HTR2C: variants seen among roughly 807,000 people sequenced by gnomAD.
The protein encoded by HTR2C is 5-hydroxytryptamine (serotonin) receptor 2C, G protein-coupled.
Under a neutral mutation model 21.0 loss-of-function variants are expected in HTR2C, and 5 were observed. That is an observed-to-expected ratio of 0.24 (90% CI 0.12 to 0.50). The LOEUF (loss-of-function observed/expected upper bound fraction) is 0.50. HTR2C is among the 20% of genes least tolerant of loss of function. The pLI is 0.98. For synonymous variants in HTR2C, 150 were observed against 145.3 expected, an observed-to-expected ratio of 1.03 and a Z score of -0.23; for missense variants, 271 against 371.2, an observed-to-expected ratio of 0.73 and a Z score of 2.22.
chrX:114,862,761 G>A (rs184287470), intron 5 of HTR2C, among the ~76,000 whole-genome samples: 58 of 110,772 alleles, frequency 5.2e-4, no homozygotes, highest in Admixed American at 1.2e-3. Context: ...TTGTTTTGGC[G>A]ACGTTACAAT....
At chrX:114,726,006 A>C (rs1314840747) in intron 2 of HTR2C, among the ~76,000 whole-genome samples, 2 of 111,078 alleles carry the variant, frequency 1.8e-5, no homozygotes, top group Non-Finnish European at 3.8e-5. Context: ...GAGCCTACAG[A>C]GGCAGGCAGG....
chrX:114,669,566 G>T (rs967532689), intron 2 of HTR2C, among the ~76,000 whole-genome samples: 8 of 111,397 alleles, frequency 7.2e-5, no homozygotes, highest in African/African-American at 9.8e-5. Context: ...GTGGTGGCAC[G>T]TGCCTGTAAT....
rs144788632 is a variant in HTR2C, at chrX:114,844,728, A to G, written c.350-3275A>G. Reference sequence around the variant, plus strand: ...TTGAGGTGGCTGAACTTGTCAGACAAAATAGAACTTACAAAGATAGTTGTT... The same window carrying G: ...TTGAGGTGGCTGAACTTGTCAGACAGAATAGAACTTACAAAGATAGTTGTT... On this transcript the variant is annotated intron_variant, in intron 4 of 5. Transcript: ENST00000276198. Among the ~76,000 whole-genome samples the G allele has an allele frequency of 7.1e-5, 8 of 111,997 alleles. No individual in the cohort carries two copies. In the East Asian group the frequency reaches 2.2e-3, roughly 31 times the overall value.
At position 114,908,141 on chromosome X, in the gene HTR2C, T is replaced by G. The variant is rs1801412; in HGVS notation, c.*726T>G. ...ATAGCTTTTCACTTCTTAAGGACAG[T>G]GTTCAAATTCTGATTATTACAACAA... On this transcript the variant is annotated 3_prime_UTR_variant, in exon 6 of 6. Transcript: ENST00000276198. 4,439 of 112,298 alleles carry G rather than the reference T, an allele frequency of 0.04. 86 individuals are homozygous for G. Among genetic ancestry groups the G allele is most frequent in the East Asian group, 0.13 (463 of 3,512 alleles). The allele number at this position is 112,298 out of a possible 1,213,427, so 9.3% of individuals were successfully genotyped here.
Position 114,607,141 on chromosome X carries a change from A to T in HTR2C, c.-146-6674A>T, listed in dbSNP as rs782519716. ...CATCAGTTAAGGTGGGGCAGGGCAT[A>T]TTCACTTCTTTTGTGATTCTTCAGT... On this transcript the variant is annotated intron_variant, in intron 1 of 5. Coordinates refer to ENST00000276198, the MANE Select transcript of HTR2C (RefSeq NM_000868.4). 4.7e-4 allele frequency among the ~76,000 whole-genome samples: 52 copies of T among 111,281 alleles called. No homozygotes were observed. The South Asian group carries it at 0.019, about 40-fold the overall frequency.
At chrX:114,759,450 T>G (rs1264005151) in intron 4 of HTR2C, among the ~76,000 whole-genome samples, 3 of 111,765 alleles carry the variant, frequency 2.7e-5, no homozygotes, top group African/African-American at 9.8e-5. Flanking sequence ...CCAGGCTTAT[T>G]TAAAATTAAA....
intron 4 of HTR2C, among the ~76,000 whole-genome samples, chrX:114,748,751 C>A (rs782419945): frequency 9.0e-6 from 1 of 111,586 alleles, no homozygotes; most frequent in South Asian, 3.7e-4. Context: ...GAATATAGAG[C>A]TAAATTTAAA....
intron 5 of HTR2C, among the ~76,000 whole-genome samples, chrX:114,849,537 C>T (rs1556468624): frequency 1.8e-5 from 2 of 111,970 alleles, no homozygotes; most frequent in African/African-American, 6.5e-5. Flanking sequence ...CAGGTGGAGA[C>T]GATCATTTCA....
chrX:114,829,386 C>A (rs1175490043), intron 4 of HTR2C, among the ~76,000 whole-genome samples: 1 of 111,492 alleles, frequency 9.0e-6, no homozygotes, highest in Non-Finnish European at 1.9e-5. Context: ...TATTCAAGTT[C>A]CTTACCCATT....
intron 4 of HTR2C, among the ~76,000 whole-genome samples, chrX:114,772,308 TA>T (rs1452738184): frequency 1.8e-5 from 2 of 112,118 alleles, no homozygotes; most frequent in Non-Finnish European, 3.8e-5. Context: ...TGCATAAAGT[TA>T]AAATGATTAT....
At chrX:114,803,793 A>T (rs925358962) in intron 4 of HTR2C, among the ~76,000 whole-genome samples, 19 of 110,990 alleles carry the variant, frequency 1.7e-4, no homozygotes, top group Non-Finnish European at 3.4e-4. Context: ...TGTTTTAGAC[A>T]TGAAGTCCTT....
At chrX:114,875,549 T>C (rs1163737827) in intron 5 of HTR2C, among the ~76,000 whole-genome samples, 1 of 111,548 alleles carries the variant, frequency 9.0e-6, no homozygotes, top group Middle Eastern at 4.2e-3. Flanking sequence ...AGTTTTTACA[T>C]TTAAGTCTTT....
intron 2 of HTR2C, among the ~76,000 whole-genome samples, chrX:114,722,748 C>A (rs1375543914): frequency 9.3e-6 from 1 of 107,419 alleles, no homozygotes; most frequent in African/African-American, 3.4e-5. Flanking sequence ...TTGTCAAAGG[C>A]CTTTTCTGCA....
At chrX:114,632,717 A>G (rs1466717092) in intron 2 of HTR2C, among the ~76,000 whole-genome samples, 1 of 111,167 alleles carries the variant, frequency 9.0e-6, no homozygotes, top group Non-Finnish European at 1.9e-5. Context: ...GAATGGGAGT[A>G]GAAATTGGCC....
At chrX:114,786,061 G>A (rs2070171451) in intron 4 of HTR2C, among the ~76,000 whole-genome samples, 1 of 112,174 alleles carries the variant, frequency 8.9e-6, no homozygotes, top group African/African-American at 3.2e-5. Context: ...AATGCAAGTG[G>A]ACAATTAATA....
chrX:114,816,400 G>T (rs1457438495), intron 4 of HTR2C, among the ~76,000 whole-genome samples: 2 of 108,979 alleles, frequency 1.8e-5, no homozygotes, highest in Admixed American at 1.0e-4. Flanking sequence ...ACTTTATAAG[G>T]TTGTTGTGAG....
Position 114,731,311 on chromosome X carries a change from T to C in HTR2C, c.53T>C (p.Leu18Pro). The C allele has an allele frequency of 8.4e-7, 1 of 1,195,841 alleles. No homozygotes were observed. Among genetic ancestry groups the C allele is most frequent in the Non-Finnish European group, 1.1e-6 (1 of 883,034 alleles). ...VHSFLVHLIG[L>P]LVWQSDISVS... is the part of the protein sequence containing the mutation. ...ATTTTCAGTGTGCACCTAATTGGCC[T>C]ATTGGTTTGGCAATCTGATATTTCT... is the stretch of plus-strand genomic sequence containing the variant. Residue 18 changes from leucine to proline, a missense_variant, in exon 4 of 6, where the codon CTA becomes CCA. Transcript: ENST00000276198.
intron 4 of HTR2C, among the ~76,000 whole-genome samples, chrX:114,733,062 A>G (rs1342889033): frequency 9.0e-6 from 1 of 111,711 alleles, no homozygotes; most frequent in African/African-American, 3.3e-5. Context: ...CAGGAAAGAT[A>G]GCATGAAATA....
intron 5 of HTR2C, among the ~76,000 whole-genome samples, chrX:114,849,035 A>G (rs781935235): frequency 4.5e-5 from 5 of 111,890 alleles, no homozygotes; most frequent in Admixed American, 1.9e-4. Context: ...ATCTTCACTA[A>G]TATCATCTAA....
Sources: gnomAD v4.1 joint callset for allele counts (sites outside exome capture counted in the v4.1 genomes callset) on GRCh38, gnomAD v4.1.1 for gene constraint, MANE v1.5 for transcripts, NCBI Gene and HGNC (gene_info 2026-07-23, HGNC 2026-07-21) for gene names.